THSD7B: variants seen among roughly 807,000 people sequenced by gnomAD.
THSD7B encodes thrombospondin type-1 domain-containing protein 7B.
Under a neutral mutation model 213.6 loss-of-function variants are expected in THSD7B, and 138 were observed. That is an observed-to-expected ratio of 0.65 (90% CI 0.56 to 0.74). THSD7B has a LOEUF of 0.74. Ranked by LOEUF, THSD7B falls within the 30% of genes least tolerant of loss-of-function variation. The probability of loss-of-function intolerance (pLI) is 0.00; values close to 1 mark genes in which losing one functional copy is unlikely to be tolerated. For missense variants in THSD7B, 1,931 were observed against 1,991.5 expected (o/e 0.97, Z 0.58); for synonymous variants, 742 against 687.0 (o/e 1.08, Z -1.25).
chr2:137,520,935 G>A (rs1680172788), intron 15 of THSD7B, among the ~76,000 whole-genome samples: 1 of 152,216 alleles, frequency 6.6e-6, no homozygotes, highest in African/African-American at 2.4e-5. Flanking sequence ...TTGTTTGAAA[G>A]TTGTGTTTAG....
intron 2 of THSD7B, among the ~76,000 whole-genome samples, chr2:136,971,490 G>A (rs1203206662): frequency 1.3e-5 from 2 of 151,718 alleles, no homozygotes; most frequent in Non-Finnish European, 2.9e-5. Flanking sequence ...TAGGCAAAAA[G>A]CAATCTAAGC....
chr2:137,576,511 G>A (rs1227754726), intron 17 of THSD7B, among the ~76,000 whole-genome samples: 1 of 152,120 alleles, frequency 6.6e-6, no homozygotes, highest in Admixed American at 6.6e-5. Context: ...CAATCTGTGA[G>A]AAACGATCAC....
rs1227493757 is a variant in THSD7B, at chr2:137,332,493, G to A, written c.2500+56467G>A. ...GGAAAGGATTTGCTTTGTCTTAGAT[G>A]ACAGTTTGGACTTAGACTTTTGGTT... On this transcript the variant is annotated intron_variant, in intron 12 of 27. Transcript: ENST00000409968. Among the ~76,000 whole-genome samples, 3 of 152,268 alleles carry A rather than the reference G, an allele frequency of 2.0e-5. No homozygotes were observed. In the East Asian group the frequency reaches 5.8e-4, roughly 29 times the overall value.
At chr2:137,531,507 C>T (rs896701140) in intron 15 of THSD7B, among the ~76,000 whole-genome samples, 2 of 151,480 alleles carry the variant, frequency 1.3e-5, no homozygotes, top group Admixed American at 1.3e-4. Context: ...TGAAAGCTTA[C>T]TTTCATATCT....
chr2:137,600,185 G>T (rs1167235627), intron 17 of THSD7B, among the ~76,000 whole-genome samples: 1 of 152,104 alleles, frequency 6.6e-6, no homozygotes, highest in African/African-American at 2.4e-5. Context: ...TATTTTGTCT[G>T]TTCCTACCAC....
At chr2:137,493,406 A>G (rs1279015916) in intron 15 of THSD7B, among the ~76,000 whole-genome samples, 1 of 152,170 alleles carries the variant, frequency 6.6e-6, no homozygotes, top group Non-Finnish European at 1.5e-5. Flanking sequence ...ATGTAATCCA[A>G]GAACATTCTG....
At chr2:137,072,749 A>G (rs1687523612) in intron 3 of THSD7B, among the ~76,000 whole-genome samples, 1 of 152,130 alleles carries the variant, frequency 6.6e-6, no homozygotes, top group Admixed American at 6.6e-5. Flanking sequence ...TTTCTCATAG[A>G]TAGCTCTTAT....
chr2:136,990,512 G>A (rs1018372336), intron 2 of THSD7B, among the ~76,000 whole-genome samples: 13 of 152,270 alleles, frequency 8.5e-5, no homozygotes, highest in Admixed American at 5.9e-4. Context: ...GGGAGCAGAT[G>A]AACCTGAGAC....
chr2:136,944,189 G>A (rs1364880006), intron 2 of THSD7B, among the ~76,000 whole-genome samples: 1 of 152,168 alleles, frequency 6.6e-6, no homozygotes, highest in Non-Finnish European at 1.5e-5. Flanking sequence ...TAGTTGTGCT[G>A]TTTTGAGTGA....
chr2:136,884,643 A>T (rs568464965), intron 2 of THSD7B, among the ~76,000 whole-genome samples: 5 of 152,188 alleles, frequency 3.3e-5, no homozygotes, highest in Non-Finnish European at 7.3e-5. Context: ...CACATATTTC[A>T]TGTAAGTGGA....
chr2:136,790,163 C>T (rs1413862850), intron 1 of THSD7B, among the ~76,000 whole-genome samples: 1 of 150,830 alleles, frequency 6.6e-6, no homozygotes, highest in Non-Finnish European at 1.5e-5. Flanking sequence ...GTTTATTATA[C>T]ATTCTACTTG....
chr2:137,244,555 T>G (rs1681983328), intron 10 of THSD7B, among the ~76,000 whole-genome samples: 1 of 152,198 alleles, frequency 6.6e-6, no homozygotes, highest in South Asian at 2.1e-4. Flanking sequence ...TCACAGGGCA[T>G]GTAAAGTAAT....
At chr2:137,444,852 T>C (rs1573629394) in intron 14 of THSD7B, among the ~76,000 whole-genome samples, 1 of 151,776 alleles carries the variant, frequency 6.6e-6, no homozygotes, top group Non-Finnish European at 1.5e-5. Flanking sequence ...CGAGAGAAAA[T>C]ATTTGCAAAC....
chr2:137,369,699 G>A (rs1685501820), intron 12 of THSD7B, among the ~76,000 whole-genome samples: 1 of 152,076 alleles, frequency 6.6e-6, no homozygotes, highest in Non-Finnish European at 1.5e-5. Flanking sequence ...CTCATTACAA[G>A]CAAATAACCA....
At chr2:137,436,126 A>T (rs1380123989) in intron 14 of THSD7B, among the ~76,000 whole-genome samples, 3 of 151,966 alleles carry the variant, frequency 2.0e-5, no homozygotes, top group African/African-American at 7.2e-5. Context: ...ATTAATGTAT[A>T]TGTATTCCTG....
At chr2:137,530,306 A>G (rs1202114770) in intron 15 of THSD7B, among the ~76,000 whole-genome samples, 2 of 151,962 alleles carry the variant, frequency 1.3e-5, no homozygotes, top group African/African-American at 2.4e-5. Flanking sequence ...TCATACCTCT[A>G]TTAAATCATT....
chr2:137,458,264 T>C (rs1687810961), intron 15 of THSD7B, among the ~76,000 whole-genome samples: 1 of 152,216 alleles, frequency 6.6e-6, no homozygotes, highest in African/African-American at 2.4e-5. Flanking sequence ...GTGGATGTGA[T>C]CATTCTTTGA....
chr2:137,300,763 T>C (rs1389854830), intron 12 of THSD7B, among the ~76,000 whole-genome samples: 1 of 152,070 alleles, frequency 6.6e-6, no homozygotes, highest in Non-Finnish European at 1.5e-5. Context: ...CATGAATAGA[T>C]GAGTAGTTGA....
At chr2:136,884,039 G>A (rs1278267411) in intron 2 of THSD7B, among the ~76,000 whole-genome samples, 1 of 152,160 alleles carries the variant, frequency 6.6e-6, no homozygotes, top group East Asian at 1.9e-4. Flanking sequence ...AAGCTCCAAT[G>A]TATCCCTTTC....
Sources: allele counts gnomAD v4.1 joint callset (sites outside exome capture counted in the v4.1 genomes callset), GRCh38; gene constraint gnomAD v4.1.1; transcripts MANE v1.5; gene names NCBI Gene and HGNC (gene_info 2026-07-23, HGNC 2026-07-21).